LPGAT1: variants seen among roughly 807,000 people sequenced by gnomAD.
LPGAT1 encodes the protein lysophosphatidylglycerol acyltransferase 1.
A neutral mutation model predicts 47.5 loss-of-function variants in LPGAT1; 11 were observed. The ratio of observed to expected loss-of-function variants is 0.23; its 90% confidence interval spans 0.15 to 0.38. The LOEUF (loss-of-function observed/expected upper bound fraction) is 0.38, where lower values mean the gene tolerates loss of function less well. Ranked by LOEUF, LPGAT1 falls within the 10% of genes least tolerant of loss-of-function variation. The pLI is 1.00. For synonymous variants in LPGAT1, 138 were observed against 144.2 expected, an observed-to-expected ratio of 0.96 and a Z score of 0.31; for missense variants, 293 against 439.0, an observed-to-expected ratio of 0.67 and a Z score of 2.97.
intron 2 of LPGAT1, among the ~76,000 whole-genome samples, chr1:211,820,519 C>A (rs1660332283): frequency 1.4e-5 from 2 of 139,860 alleles, no homozygotes; most frequent in Non-Finnish European, 3.1e-5. Context: ...AATAGGGAAG[C>A]ATGAATTGGT....
chr1:211,805,315 C>T (rs1476317842), intron 2 of LPGAT1, among the ~76,000 whole-genome samples: 4 of 152,072 alleles, frequency 2.6e-5, no homozygotes, highest in Non-Finnish European at 5.9e-5. Flanking sequence ...GTTGAAAATA[C>T]AGCAAGTCAA....
intron 2 of LPGAT1, among the ~76,000 whole-genome samples, chr1:211,807,941 A>T (rs532023046): frequency 2.0e-4 from 30 of 152,290 alleles, no homozygotes; most frequent in East Asian, 1.7e-3. Context: ...CAATTTTTTT[A>T]AAAAAATCAA....
intron 2 of LPGAT1, among the ~76,000 whole-genome samples, chr1:211,823,971 T>C (rs1206898653): frequency 1.3e-5 from 2 of 151,226 alleles, no homozygotes; most frequent in East Asian, 3.9e-4. Context: ...ACAAATGTGG[T>C]ATTTTAAGAG....
intron 2 of LPGAT1, among the ~76,000 whole-genome samples, chr1:211,801,786 G>GAGAAA (rs199950680): frequency 2.0e-5 from 3 of 150,396 alleles, no homozygotes; most frequent in Non-Finnish European, 4.4e-5. Context: ...AAGAAGAGAA[G>GAGAAA]AGAAAAGAAA....
At chr1:211,759,651 G>T (rs1657608404) in intron 6 of LPGAT1, among the ~76,000 whole-genome samples, 1 of 152,010 alleles carries the variant, frequency 6.6e-6, no homozygotes, top group African/African-American at 2.4e-5. Context: ...GCATTCTAAG[G>T]CTATAAATCC....
chr1:211,804,510 T>G (rs1397486436), intron 2 of LPGAT1, among the ~76,000 whole-genome samples: 1 of 152,170 alleles, frequency 6.6e-6, no homozygotes, highest in African/African-American at 2.4e-5. Flanking sequence ...AAAACACTAT[T>G]AAAATTTTAT....
At chr1:211,772,011 T>A (rs1658193139) in intron 6 of LPGAT1, among the ~76,000 whole-genome samples, 2 of 152,150 alleles carry the variant, frequency 1.3e-5, no homozygotes, top group South Asian at 4.1e-4. Context: ...GCTCAAGCGA[T>A]CCTTCTGAGT....
intron 5 of LPGAT1, 34 bp downstream of exon 5, chr1:211,783,195 C>T: frequency 6.4e-7 from 1 of 1,555,370 alleles, no homozygotes; most frequent in Non-Finnish European, 8.7e-7. Flanking sequence ...TCCTTTAACT[C>T]CAACAAGGTA....
chr1:211,804,571 C>A (rs996317892), intron 2 of LPGAT1, among the ~76,000 whole-genome samples: 3 of 151,886 alleles, frequency 2.0e-5, no homozygotes, highest in African/African-American at 4.8e-5. Context: ...TTTTTTAAAT[C>A]AAAAATGAAT....
intron 2 of LPGAT1, among the ~76,000 whole-genome samples, chr1:211,825,242 A>G (rs1660511410): frequency 1.8e-5 from 2 of 109,074 alleles, no homozygotes; most frequent in South Asian, 6.6e-4. Context: ...CCCAGATTGG[A>G]GTGCAGTGGC....
At chr1:211,829,753 T>A in intron 1 of LPGAT1, 5 of 1,000,688 alleles carry the variant, frequency 5.0e-6, no homozygotes, top group East Asian at 1.0e-4. Context: ...ACTGAGGACC[T>A]CAGTCTCCTC....
intron 2 of LPGAT1, among the ~76,000 whole-genome samples, chr1:211,798,214 C>T (rs948454089): frequency 2.6e-5 from 4 of 152,168 alleles, no homozygotes; most frequent in African/African-American, 9.7e-5. Flanking sequence ...TTCATTTTCT[C>T]ACTTATGAAA....
chr1:211,771,287 T>A (rs1658158293), intron 6 of LPGAT1, among the ~76,000 whole-genome samples: 1 of 152,114 alleles, frequency 6.6e-6, no homozygotes, highest in South Asian at 2.1e-4. Flanking sequence ...TTATACCATC[T>A]AGGTTTGTCT....
chr1:211,829,184 C>T lies in LPGAT1; in HGVS notation c.113G>A (p.Cys38Tyr). ...NNLVAIPSYI[C>Y]YVIILQPLRV... ...AAGGGGCTGAAGTATAATTACATAG[C>T]AGATGTAGGATGGAATAGCAACCAG... The change falls in exon 2 of 8, where the codon TGC becomes TAC. Residue 38 changes from cysteine (C) to tyrosine (Y), a missense_variant. Cys to Tyr is a radical substitution (Grantham distance 194, BLOSUM62 -2). Coordinates refer to ENST00000366997, the MANE Select transcript of LPGAT1 (RefSeq NM_014873.3). The T allele has an allele frequency of 6.2e-7, 1 of 1,614,146 alleles. No individual in the cohort carries two copies. The highest frequency in any genetic ancestry group is 8.5e-7 in the Non-Finnish European group (1 of 1,180,036).
intron 6 of LPGAT1, among the ~76,000 whole-genome samples, chr1:211,762,358 T>C (rs1282488606): frequency 1.3e-5 from 2 of 152,228 alleles, no homozygotes; most frequent in Admixed American, 6.5e-5. Flanking sequence ...GACGGGGCTA[T>C]GTGTTGAAAG....
At chr1:211,824,068 G>A (rs1377677467) in intron 2 of LPGAT1, among the ~76,000 whole-genome samples, 1 of 152,124 alleles carries the variant, frequency 6.6e-6, no homozygotes, top group Admixed American at 6.6e-5. Flanking sequence ...AGGAAGGTAG[G>A]CAGCTAGGGA....
At chr1:211,800,382 AC>A (rs1659526612) in intron 2 of LPGAT1, among the ~76,000 whole-genome samples, 1 of 151,906 alleles carries the variant, frequency 6.6e-6, no homozygotes, top group Non-Finnish European at 1.5e-5. Flanking sequence ...TTCTGCAATG[AC>A]TTCCTAACTA....
chr1:211,759,702 A>C, intron 6 of LPGAT1, among the ~76,000 whole-genome samples: 1 of 152,340 alleles, frequency 6.6e-6, no homozygotes, highest in African/African-American at 2.4e-5. Flanking sequence ...AACTTTTGAT[A>C]GATAATATTT....
intron 5 of LPGAT1, among the ~76,000 whole-genome samples, chr1:211,780,208 T>G (rs183945912): frequency 2.0e-5 from 3 of 152,168 alleles, no homozygotes; most frequent in Admixed American, 2.0e-4. Context: ...AAATAATTAA[T>G]AAATAAATAA....
Sources: allele counts gnomAD v4.1 joint callset (sites outside exome capture counted in the v4.1 genomes callset), GRCh38; gene constraint gnomAD v4.1.1; transcripts MANE v1.5; gene names NCBI Gene and HGNC (gene_info 2026-07-23, HGNC 2026-07-21).